Variants in CNTNAP2 observed in about 807,000 individuals in gnomAD.
CNTNAP2 encodes the protein contactin-associated protein-like 2.
CNTNAP2 carries 98 observed loss-of-function variants against 155.2 expected under a neutral mutation model. That is an observed-to-expected ratio of 0.63 (90% confidence interval 0.54 to 0.75). CNTNAP2 has a LOEUF of 0.75. Among genes scored for constraint, CNTNAP2 ranks in the 30% least tolerant of loss-of-function variants. The pLI, the probability that CNTNAP2 is intolerant of heterozygous loss-of-function variation, is 0.00. For synonymous variants in CNTNAP2, 651 were observed against 631.2 expected, an observed-to-expected ratio of 1.03 and a Z score of -0.47; for missense variants, 1,727 against 1,688.1, an observed-to-expected ratio of 1.02 and a Z score of -0.40.
intron 2 of CNTNAP2, among the ~76,000 whole-genome samples, chr7:146,811,436 G>C (rs1803064119): frequency 6.6e-6 from 1 of 152,064 alleles, no homozygotes; most frequent in South Asian, 2.1e-4. Context: ...AGAGTTCATA[G>C]TGATTTCTTA....
At chr7:147,458,755 T>C (rs1460027267) in intron 10 of CNTNAP2, among the ~76,000 whole-genome samples, 1 of 152,236 alleles carries the variant, frequency 6.6e-6, no homozygotes, top group Admixed American at 6.5e-5. Flanking sequence ...ACAGATTTCC[T>C]AGTATCAATA....
intron 13 of CNTNAP2, among the ~76,000 whole-genome samples, chr7:147,899,516 C>T (rs1310641892): frequency 6.6e-6 from 1 of 152,152 alleles, no homozygotes; most frequent in Non-Finnish European, 1.5e-5. Flanking sequence ...CTACATTGGA[C>T]ACTTTAAAAG....
chr7:147,490,256 T>C (rs1360981678), intron 11 of CNTNAP2, among the ~76,000 whole-genome samples: 1 of 152,168 alleles, frequency 6.6e-6, no homozygotes, highest in Non-Finnish European at 1.5e-5. Flanking sequence ...ATTTAAAAAT[T>C]CTGAAATACT....
At chr7:147,741,466 A>C (rs1344774393) in intron 13 of CNTNAP2, among the ~76,000 whole-genome samples, 2 of 152,250 alleles carry the variant, frequency 1.3e-5, no homozygotes, top group Admixed American at 1.3e-4. Flanking sequence ...AGAAGCAAAT[A>C]ATTTTCCATA....
At chr7:146,240,459 A>G (rs1016906650) in intron 1 of CNTNAP2, among the ~76,000 whole-genome samples, 1 of 152,012 alleles carries the variant, frequency 6.6e-6, no homozygotes, top group Admixed American at 6.6e-5. Flanking sequence ...AATGAAAAAT[A>G]TTAATCAGAA....
chr7:147,343,202 C>G (rs1047948043), intron 9 of CNTNAP2, among the ~76,000 whole-genome samples: 1 of 152,030 alleles, frequency 6.6e-6, no homozygotes, highest in African/African-American at 2.4e-5. Flanking sequence ...GCTTTCTTTG[C>G]TGCTGTTATT....
chr7:147,124,219 A>G (rs943104051), intron 6 of CNTNAP2, among the ~76,000 whole-genome samples: 3 of 152,188 alleles, frequency 2.0e-5, no homozygotes, highest in African/African-American at 4.8e-5. Flanking sequence ...TCATTCCTGA[A>G]CTATTTAAAG....
chr7:148,020,122 A>G (rs1802254811), intron 15 of CNTNAP2, among the ~76,000 whole-genome samples: 1 of 152,206 alleles, frequency 6.6e-6, no homozygotes, highest in South Asian at 2.1e-4. Flanking sequence ...ACCAGAAGCC[A>G]AAGGATATTG....
chr7:146,349,449 G>A (rs1249676447), intron 1 of CNTNAP2, among the ~76,000 whole-genome samples: 4 of 152,170 alleles, frequency 2.6e-5, no homozygotes, highest in African/African-American at 9.7e-5. Flanking sequence ...GCAAACTTAT[G>A]CATCTATAAA....
At chr7:148,318,190 A>G (rs1478380185) in intron 21 of CNTNAP2, among the ~76,000 whole-genome samples, 1 of 152,160 alleles carries the variant, frequency 6.6e-6, no homozygotes, top group African/African-American at 2.4e-5. Flanking sequence ...AGTTTCTTGC[A>G]GGCCCATCAG....
At chr7:146,461,822 T>G (rs910688300) in intron 1 of CNTNAP2, among the ~76,000 whole-genome samples, 9 of 152,226 alleles carry the variant, frequency 5.9e-5, no homozygotes, top group African/African-American at 2.2e-4. Flanking sequence ...CATAATCATT[T>G]GTAGGTCAGT....
At chr7:148,186,010 T>G (rs1486438411) in intron 18 of CNTNAP2, among the ~76,000 whole-genome samples, 1 of 152,228 alleles carries the variant, frequency 6.6e-6, no homozygotes, top group Non-Finnish European at 1.5e-5. Context: ...TCCAAAAGAC[T>G]TTTATTTCTG....
intron 23 of CNTNAP2, among the ~76,000 whole-genome samples, chr7:148,413,401 A>AAAAATAAAT (rs1442990213): frequency 6.8e-4 from 31 of 45,354 alleles, no homozygotes; most frequent in African/African-American, 3.8e-3. Flanking sequence ...TCAAAAAAAA[A>AAAAATAAAT]ATATATATAT....
chr7:146,360,928 T>C (rs1313330675), intron 1 of CNTNAP2, among the ~76,000 whole-genome samples: 1 of 152,230 alleles, frequency 6.6e-6, no homozygotes, highest in Non-Finnish European at 1.5e-5. Flanking sequence ...CTGAGGTAAC[T>C]CAAGACACTA....
chr7:147,802,548 C>T (rs558295700), intron 13 of CNTNAP2, among the ~76,000 whole-genome samples: 17 of 152,288 alleles, frequency 1.1e-4, no homozygotes, highest in Middle Eastern at 3.4e-3. Flanking sequence ...CCGAGGCTGG[C>T]GGATCACTCG....
chr7:147,046,306 T>C (rs1364448839), intron 4 of CNTNAP2, among the ~76,000 whole-genome samples: 1 of 151,684 alleles, frequency 6.6e-6, no homozygotes, highest in African/African-American at 2.4e-5. Flanking sequence ...ATTCACCTGA[T>C]TTGTATCACC....
At chr7:146,836,166 A>G (rs1293293855) in intron 2 of CNTNAP2, among the ~76,000 whole-genome samples, 1 of 152,228 alleles carries the variant, frequency 6.6e-6, no homozygotes, top group South Asian at 2.1e-4. Context: ...ATGCAAACAC[A>G]TACACTAGAT....
intron 1 of CNTNAP2, among the ~76,000 whole-genome samples, chr7:146,739,957 A>G (rs1801684080): frequency 6.6e-6 from 1 of 151,816 alleles, no homozygotes; most frequent in Admixed American, 6.6e-5. Context: ...AAATATAGCT[A>G]CTTCTATTCT....
intron 6 of CNTNAP2, among the ~76,000 whole-genome samples, chr7:147,124,222 A>G (rs1801186439): frequency 6.6e-6 from 1 of 152,192 alleles, no homozygotes; most frequent in South Asian, 2.1e-4. Flanking sequence ...TTCCTGAACT[A>G]TTTAAAGGCT....
Sources: allele counts gnomAD v4.1 joint callset (sites outside exome capture counted in the v4.1 genomes callset), GRCh38; gene constraint gnomAD v4.1.1; transcripts MANE v1.5; gene names NCBI Gene and HGNC (gene_info 2026-07-23, HGNC 2026-07-21).